Variants in EYA4 observed in about 807,000 individuals in gnomAD.
EYA4 encodes the protein EYA transcriptional coactivator and phosphatase 4.
Under a neutral mutation model 87.9 loss-of-function variants are expected in EYA4, and 31 were observed. The observed-to-expected ratio is 0.35, with a 90% CI of 0.27 to 0.48. The LOEUF (loss-of-function observed/expected upper bound fraction) is 0.48, where lower values mean the gene tolerates loss of function less well. Ranked by LOEUF, EYA4 falls within the 20% of genes least tolerant of loss-of-function variation. The probability of loss-of-function intolerance (pLI) is 0.99; values close to 1 mark genes in which losing one functional copy is unlikely to be tolerated. For synonymous variants in EYA4, 263 were observed against 270.6 expected (o/e 0.97, Z 0.28); for missense variants, 678 against 761.4 (o/e 0.89, Z 1.29).
intron 3 of EYA4, among the ~76,000 whole-genome samples, chr6:133,428,358 A>T (rs1369373446): frequency 6.6e-6 from 1 of 152,216 alleles, no homozygotes; most frequent in Non-Finnish European, 1.5e-5. Flanking sequence ...TAAGGACAGC[A>T]GAATGTTAAG....
intron 2 of EYA4, among the ~76,000 whole-genome samples, chr6:133,338,073 T>A (rs1161995738): frequency 6.6e-6 from 1 of 152,200 alleles, no homozygotes; most frequent in East Asian, 1.9e-4. Flanking sequence ...AACTTTTTAT[T>A]GTAAAAAGAA....
At chr6:133,243,546 C>CG (rs1554206151) in intron 1 of EYA4, among the ~76,000 whole-genome samples, 1 of 151,734 alleles carries the variant, frequency 6.6e-6, no homozygotes. Context: ...TGAAAGTTGA[C>CG]GATGGTTTTT....
At chr6:133,393,653 A>G (rs936724426) in intron 3 of EYA4, among the ~76,000 whole-genome samples, 1 of 152,204 alleles carries the variant, frequency 6.6e-6, no homozygotes, top group Admixed American at 6.5e-5. Context: ...AATATTCTAG[A>G]AAAAGCTACT....
chr6:133,278,144 C>A (rs1289282449), intron 2 of EYA4, among the ~76,000 whole-genome samples: 3 of 152,000 alleles, frequency 2.0e-5, no homozygotes, highest in Admixed American at 2.0e-4. Context: ...CTGAATCTCC[C>A]AGGTTCTCTG....
chr6:133,482,659 C>CTAA lies in EYA4; in HGVS notation c.1108-371_1108-369dup, dbSNP rs545748166. On this transcript the variant is annotated intron_variant, in intron 12 of 19. Coordinates refer to ENST00000355286, the MANE Select transcript of EYA4 (RefSeq NM_004100.5). ...ATTCTTTTAAATATTTCTTTAAAAT[C>CTAA]TAATTCTTTGCAGAAATTGTAAAAG... 7.7e-4 allele frequency among the ~76,000 whole-genome samples: 118 copies of CTAA among 152,316 alleles called. 1 individual carries two copies. In the South Asian group the frequency reaches 0.023, roughly 29 times the overall value.
intron 6 of EYA4, among the ~76,000 whole-genome samples, chr6:133,457,191 A>G (rs186006483): frequency 2.2e-3 from 340 of 152,334 alleles, no homozygotes; most frequent in African/African-American, 7.5e-3. Flanking sequence ...GAGCGCTCGA[A>G]TGCTTCAAAG....
intron 1 of EYA4, among the ~76,000 whole-genome samples, chr6:133,251,964 C>T (rs1774941784): frequency 6.6e-6 from 1 of 152,140 alleles, no homozygotes; most frequent in Non-Finnish European, 1.5e-5. Flanking sequence ...TAACTTTGCA[C>T]AGAGGGGATT....
At chr6:133,401,076 C>A (rs1788221120) in intron 3 of EYA4, among the ~76,000 whole-genome samples, 1 of 152,136 alleles carries the variant, frequency 6.6e-6, no homozygotes. Flanking sequence ...AGAATTAAAT[C>A]CTGTTATTTG....
chr6:133,459,240 G>A (rs190879845), intron 6 of EYA4, among the ~76,000 whole-genome samples: 138 of 152,172 alleles, frequency 9.1e-4, no homozygotes, highest in African/African-American at 3.1e-3. Context: ...ACATATAGAC[G>A]TTAATAGAAA....
At chr6:133,472,348 T>G (rs1471676457) in intron 11 of EYA4, among the ~76,000 whole-genome samples, 1 of 96,256 alleles carries the variant, frequency 1.0e-5, no homozygotes, top group Non-Finnish European at 1.9e-5. Flanking sequence ...CATTTCGTTA[T>G]GTACCCAGTA....
At chr6:133,440,926 C>A (rs1227827537) in intron 3 of EYA4, among the ~76,000 whole-genome samples, 1 of 152,082 alleles carries the variant, frequency 6.6e-6, no homozygotes, top group African/African-American at 2.4e-5. Context: ...CTATGCATTT[C>A]TTATGATTGG....
chr6:133,515,404 G>T lies in EYA4; in HGVS notation c.1585G>T (p.Ala529Ser), dbSNP rs1799505352. The change falls in exon 17 of 20, where the codon GCA (alanine) becomes TCA (serine). Residue 529 changes from alanine to serine, a missense_variant. Transcript: ENST00000355286. ...TCTGACAGATTCCTGGCTAACAAAT[G>T]CACTTAAGTCTTTATCAATTATTAG... is the stretch of plus-strand genomic sequence containing the variant. ...EGLTDSWLTNALKSLSIISTR... is the reference protein window; with the variant it reads ...EGLTDSWLTNSLKSLSIISTR... 6.2e-7 allele frequency: 1 copy of T among 1,608,780 alleles called. No homozygotes were observed. The highest frequency in any genetic ancestry group is 1.3e-5 in the African/African-American group (1 of 74,846).
At chr6:133,282,582 G>A (rs1777713949) in intron 2 of EYA4, among the ~76,000 whole-genome samples, 1 of 110,234 alleles carries the variant, frequency 9.1e-6, no homozygotes, top group South Asian at 3.3e-4. Context: ...TGACACATAT[G>A]TGTGTGTATA....
chr6:133,391,224 T>TG (rs1554246228), intron 3 of EYA4, among the ~76,000 whole-genome samples: 1 of 80,398 alleles, frequency 1.2e-5, no homozygotes, highest in East Asian at 3.4e-4. Context: ...TTGTTTTTGT[T>TG]TTTTTTTTTT....
chr6:133,449,455 A>G (rs1437178727), intron 5 of EYA4, among the ~76,000 whole-genome samples: 3 of 152,230 alleles, frequency 2.0e-5, no homozygotes, highest in African/African-American at 7.2e-5. Context: ...TGTGCAATAA[A>G]TAGTAATTTA....
intron 2 of EYA4, among the ~76,000 whole-genome samples, chr6:133,379,358 A>G (rs1173735909): frequency 6.6e-6 from 1 of 152,114 alleles, no homozygotes. Flanking sequence ...CTCAAATGGA[A>G]GAGTGTGTTC....
intron 1 of EYA4, among the ~76,000 whole-genome samples, chr6:133,269,194 G>C (rs1776481857): frequency 1.3e-5 from 2 of 152,188 alleles, no homozygotes; most frequent in Admixed American, 1.3e-4. Flanking sequence ...ACGAGGCAGA[G>C]GTCGCAGTGA....
chr6:133,356,434 T>C (rs1026622405), intron 2 of EYA4, among the ~76,000 whole-genome samples: 2 of 152,210 alleles, frequency 1.3e-5, no homozygotes, highest in Non-Finnish European at 2.9e-5. Flanking sequence ...GTAGTCATGT[T>C]AGGGAACTTC....
Position 133,519,491 on chromosome 6 carries a change from T to G in EYA4, c.1617-3565T>G, listed in dbSNP as rs1256802262. ...AGACCAATAACAGGATCTGAAATTG[T>G]GGCAATAATCCATAGCTTACCAACC... On this transcript the variant is annotated intron_variant, in intron 17 of 19. Transcript: ENST00000355286. 6.6e-5 allele frequency among the ~76,000 whole-genome samples: 10 copies of G among 151,504 alleles called. No individual in the cohort carries two copies. The East Asian group carries it at 1.9e-3, about 29-fold the overall frequency.
Sources: allele counts gnomAD v4.1 joint callset (sites outside exome capture counted in the v4.1 genomes callset), GRCh38; gene constraint gnomAD v4.1.1; transcripts MANE v1.5; gene names NCBI Gene and HGNC (gene_info 2026-07-23, HGNC 2026-07-21).